The following CSMD1 variants were observed in gnomAD, a reference collection of about 807,000 sequenced individuals.
The protein encoded by CSMD1 is CUB and sushi domain-containing protein 1.
Under a neutral mutation model 417.5 loss-of-function variants are expected in CSMD1, and 213 were observed. The observed-to-expected ratio is 0.51, with a 90% CI of 0.46 to 0.57. CSMD1 has a LOEUF of 0.57. Ranked by LOEUF, CSMD1 falls within the 20% of genes least tolerant of loss-of-function variation. The pLI is 0.00. For synonymous variants in CSMD1, 2,862 were observed against 1,736.8 expected (o/e 1.65, Z -16.11); for missense variants, 6,923 against 4,529.7 (o/e 1.53, Z -15.17).
At chr8:4,737,388 G>A (rs1406355936) in intron 1 of CSMD1, among the ~76,000 whole-genome samples, 2 of 151,820 alleles carry the variant, frequency 1.3e-5, no homozygotes, top group Non-Finnish European at 2.9e-5. Context: ...TAACTAATGG[G>A]TACTAGGTTT....
chr8:2,999,798 A>G (rs1367750206), intron 53 of CSMD1, among the ~76,000 whole-genome samples, 160 bp downstream of exon 53: 2 of 152,016 alleles, frequency 1.3e-5, no homozygotes, highest in African/African-American at 4.8e-5. Context: ...AAGCGTGAAC[A>G]TGGCACCTCT....
At chr8:3,791,937 C>G (rs1257642675) in intron 5 of CSMD1, among the ~76,000 whole-genome samples, 3 of 152,124 alleles carry the variant, frequency 2.0e-5, no homozygotes, top group Non-Finnish European at 4.4e-5. Context: ...AGCGTTTGCA[C>G]CAACCTAATA....
At chr8:4,844,374 T>C (rs1371072045) in intron 1 of CSMD1, among the ~76,000 whole-genome samples, 3 of 152,128 alleles carry the variant, frequency 2.0e-5, no homozygotes, top group South Asian at 2.1e-4. Flanking sequence ...ACTCATGCCC[T>C]TCCCATAGGA....
At chr8:3,712,224 T>C (rs1654671173) in intron 6 of CSMD1, among the ~76,000 whole-genome samples, 1 of 152,162 alleles carries the variant, frequency 6.6e-6, no homozygotes, top group African/African-American at 2.4e-5. Context: ...GGAAGGTGAC[T>C]TGTGGGTCCA....
chr8:3,328,448 G>T (rs1449373668), intron 23 of CSMD1, among the ~76,000 whole-genome samples: 1 of 152,130 alleles, frequency 6.6e-6, no homozygotes, highest in Non-Finnish European at 1.5e-5. Flanking sequence ...TATCTGCACA[G>T]AATACCTTAC....
intron 3 of CSMD1, among the ~76,000 whole-genome samples, chr8:4,392,262 A>T (rs184845959): frequency 1.5e-3 from 225 of 152,280 alleles, no homozygotes; most frequent in South Asian, 2.9e-3. Context: ...CTGAAGAGTT[A>T]TTTGCATGTA....
At chr8:4,572,043 A>G (rs1798918223) in intron 2 of CSMD1, among the ~76,000 whole-genome samples, 1 of 152,180 alleles carries the variant, frequency 6.6e-6, no homozygotes, top group Non-Finnish European at 1.5e-5. Flanking sequence ...TGAATACAGC[A>G]CACCGATGGG....
intron 3 of CSMD1, among the ~76,000 whole-genome samples, chr8:4,288,953 A>C (rs1256413403): frequency 2.6e-5 from 4 of 152,188 alleles, no homozygotes; most frequent in African/African-American, 9.6e-5. Flanking sequence ...ATAGTGTGGC[A>C]GCTGTAAAAA....
chr8:2,973,397 G>A (rs1255965600), intron 56 of CSMD1, 98 bp from the exon 57 acceptor site: 1 of 1,227,880 alleles, frequency 8.1e-7, no homozygotes, highest in African/African-American at 1.5e-5. Context: ...GTTGAAATTT[G>A]TGTTTCACAT....
At chr8:3,759,609 G>C (rs907612089) in intron 5 of CSMD1, among the ~76,000 whole-genome samples, 1 of 151,870 alleles carries the variant, frequency 6.6e-6, no homozygotes, top group African/African-American at 2.4e-5. Context: ...AAAGAGAATA[G>C]GGTGCCAGGC....
Position 4,119,007 on chromosome 8 carries a change from C to T in CSMD1, c.416-86908G>A, listed in dbSNP as rs564517149. ...AACACAAGAACGGCAAACCAAACAC[C>T]ACATGTTCTCACTCATAAGTGGGAG... On this transcript the variant is annotated intron_variant, in intron 3 of 69. Transcript: ENST00000635120. Among the ~76,000 whole-genome samples, 7 of 152,210 alleles carry T rather than the reference C, an allele frequency of 4.6e-5. No individual in the cohort carries two copies. The South Asian group carries it at 1.2e-3, about 27-fold the overall frequency.
chr8:3,636,234 A>T (rs1345687017), intron 7 of CSMD1, among the ~76,000 whole-genome samples: 1 of 152,170 alleles, frequency 6.6e-6, no homozygotes, highest in Non-Finnish European at 1.5e-5. Context: ...CAGGCGTGGA[A>T]CTGTCATTTT....
At chr8:3,049,697 T>A (rs900472827) in intron 50 of CSMD1, among the ~76,000 whole-genome samples, 1 of 152,066 alleles carries the variant, frequency 6.6e-6, no homozygotes, top group African/African-American at 2.4e-5. Context: ...TGGATCCCTG[T>A]CATTACACAT....
At chr8:3,076,965 C>G (rs190454530) in intron 49 of CSMD1, among the ~76,000 whole-genome samples, 2 of 152,216 alleles carry the variant, frequency 1.3e-5, no homozygotes, top group East Asian at 1.9e-4. Flanking sequence ...AACATTGTAT[C>G]CAACAGGCAA....
At chr8:3,487,235 T>G (rs1818095136) in intron 11 of CSMD1, among the ~76,000 whole-genome samples, 1 of 152,182 alleles carries the variant, frequency 6.6e-6, no homozygotes. Context: ...AGAGTCTAGC[T>G]CTGTCTCCCA....
At chr8:3,783,626 C>T (rs1394707786) in intron 5 of CSMD1, among the ~76,000 whole-genome samples, 1 of 152,232 alleles carries the variant, frequency 6.6e-6, no homozygotes, top group Non-Finnish European at 1.5e-5. Context: ...CTGGATGCAG[C>T]TGGTTCTTCT....
intron 10 of CSMD1, among the ~76,000 whole-genome samples, chr8:3,505,910 T>C (rs1347098292): frequency 6.6e-6 from 1 of 152,214 alleles, no homozygotes; most frequent in Non-Finnish European, 1.5e-5. Flanking sequence ...TTAAGGAGGT[T>C]CTTTACAAAT....
chr8:4,041,252 C>G (rs1019716375), intron 3 of CSMD1, among the ~76,000 whole-genome samples: 3 of 151,760 alleles, frequency 2.0e-5, no homozygotes, highest in Non-Finnish European at 2.9e-5. Context: ...CTCCTGACCT[C>G]GTGATCCGCC....
At chr8:4,227,010 A>T (rs1801400917) in intron 3 of CSMD1, among the ~76,000 whole-genome samples, 1 of 151,892 alleles carries the variant, frequency 6.6e-6, no homozygotes, top group Non-Finnish European at 1.5e-5. Flanking sequence ...AAATCCCGTC[A>T]TTATCTCTGC....
Sources: allele counts gnomAD v4.1 joint callset (sites outside exome capture counted in the v4.1 genomes callset), GRCh38; gene constraint gnomAD v4.1.1; transcripts MANE v1.5; gene names NCBI Gene and HGNC (gene_info 2026-07-23, HGNC 2026-07-21).